The following SLC5A11 variants were observed in gnomAD, a reference collection of about 807,000 sequenced individuals.
The protein encoded by SLC5A11 is sodium/myo-inositol cotransporter 2.
A neutral mutation model predicts 69.8 loss-of-function variants in SLC5A11; 48 were observed. That is an observed-to-expected ratio of 0.69 (90% CI 0.55 to 0.87). SLC5A11 has a LOEUF of 0.87. SLC5A11 is among the 40% of genes least tolerant of loss of function. SLC5A11 has a pLI of 0.00. For synonymous variants in SLC5A11, 319 were observed against 342.4 expected (o/e 0.93, Z 0.75); for missense variants, 784 against 866.1 (o/e 0.91, Z 1.19).
chr16:24,862,453 C>G (rs762205940), intron 2 of SLC5A11, 148 bp from the exon 4 acceptor site: 27 of 544,640 alleles, frequency 5.0e-5, no homozygotes, highest in Non-Finnish European at 8.2e-5. Flanking sequence ...AAATTTTATC[C>G]AAAACTCTGG....
At chr16:24,911,337 C>A (rs2050510744) in exon 16 of SLC5A11, 4 of 1,613,934 alleles carry the variant, frequency 2.5e-6, no homozygotes, top group Non-Finnish European at 3.4e-6. Context: ...GGTGACATGA[C>A]CCCAAAGCAG....
At chr16:24,900,918 TAAAAAAAA>T (rs57145899) in intron 10 of SLC5A11, among the ~76,000 whole-genome samples, 1 of 116,660 alleles carries the variant, frequency 8.6e-6, no homozygotes, top group Admixed American at 9.2e-5. Context: ...ACCCTATCTC[TAAAAAAAA>T]AAAAAAAAAA....
intron 10 of SLC5A11, among the ~76,000 whole-genome samples, chr16:24,905,585 G>A (rs899155735): frequency 1.3e-5 from 2 of 151,720 alleles, no homozygotes; most frequent in African/African-American, 4.8e-5. Flanking sequence ...TGGCACCACT[G>A]AACTCCAGCC....
chr16:24,902,336 A>G (rs1597274865), intron 10 of SLC5A11, among the ~76,000 whole-genome samples: 3 of 152,250 alleles, frequency 2.0e-5, no homozygotes, highest in Admixed American at 2.0e-4. Context: ...GGGGAAAAAA[A>G]AAAGGAATCC....
At chr16:24,857,761 C>T (rs181453030) in intron 1 of SLC5A11, among the ~76,000 whole-genome samples, 18 of 152,302 alleles carry the variant, frequency 1.2e-4, no homozygotes, top group African/African-American at 1.4e-4. Context: ...AGGCATCTCC[C>T]AATTTTAAGT....
At chr16:24,866,339 C>T (rs1039288011) in intron 3 of SLC5A11, among the ~76,000 whole-genome samples, 3 of 151,556 alleles carry the variant, frequency 2.0e-5, no homozygotes, top group African/African-American at 7.3e-5. Context: ...TGACTCAAAC[C>T]TGTAATCCCA....
chr16:24,905,766 A>G (rs928251142), intron 10 of SLC5A11, among the ~76,000 whole-genome samples: 5 of 152,142 alleles, frequency 3.3e-5, no homozygotes, highest in Non-Finnish European at 7.3e-5. Context: ...TCCTGGCCAT[A>G]ATACTTACTA....
At position 24,902,957 on chromosome 16, in the gene SLC5A11, T is replaced by G. The variant is rs548731746; in HGVS notation, c.1007-3700T>G. Among the ~76,000 whole-genome samples the G allele has an allele frequency of 3.9e-5, 6 of 152,306 alleles. No individual in the cohort carries two copies. In the South Asian group the frequency reaches 8.3e-4, roughly 21 times the overall value. On this transcript the variant is annotated intron_variant, in intron 10 of 15. Transcript: ENST00000347898. ...ATAAACTATATATTGAAATACTCTA[T>G]CATATGATACAAGCAAGAGGTGCAA...
chr16:24,893,701 G>T (rs547498280), intron 9 of SLC5A11, among the ~76,000 whole-genome samples: 1 of 152,188 alleles, frequency 6.6e-6, no homozygotes, highest in African/African-American at 2.4e-5. Context: ...CTCCTGAGTA[G>T]CTGGGACTAT....
intron 8 of SLC5A11, among the ~76,000 whole-genome samples, chr16:24,885,911 A>C (rs1051481643): frequency 6.6e-6 from 1 of 152,124 alleles, no homozygotes. Context: ...AGATTACAGA[A>C]GATTACAATA....
intron 3 of SLC5A11, among the ~76,000 whole-genome samples, chr16:24,865,480 C>T (rs944695415): frequency 1.3e-5 from 2 of 152,248 alleles, no homozygotes; most frequent in East Asian, 1.9e-4. Context: ...TTGCTTGAAC[C>T]TGGGAGGCGG....
intron 10 of SLC5A11, among the ~76,000 whole-genome samples, chr16:24,901,952 A>G (rs1036166300): frequency 5.2e-5 from 7 of 133,584 alleles, no homozygotes; most frequent in African/African-American, 2.3e-4. Flanking sequence ...ACACACACAC[A>G]CACACGCACA....
At chr16:24,895,512 A>T (rs2049095342) in intron 9 of SLC5A11, among the ~76,000 whole-genome samples, 1 of 150,982 alleles carries the variant, frequency 6.6e-6, no homozygotes, top group Non-Finnish European at 1.5e-5. Flanking sequence ...AAAGAAAAGA[A>T]AAAAAAGTAG....
chr16:24,908,788 C>A, intron 13 of SLC5A11, 93 bp from the exon 15 acceptor site: 1 of 1,233,246 alleles, frequency 8.1e-7, no homozygotes, highest in South Asian at 1.4e-5. Flanking sequence ...CAGTGACCAC[C>A]ACAAGAAAGA....
chr16:24,906,916 C>T (rs2050109012), intron 11 of SLC5A11, 109 bp from the exon 13 acceptor site: 1 of 1,481,238 alleles, frequency 6.8e-7, no homozygotes, highest in Non-Finnish European at 9.2e-7. Context: ...CTGCAGGAAG[C>T]TCTGCCCCGC....
rs918545801 is a variant in SLC5A11 at position 24,869,793 on chromosome 16, T to A, written c.208-108T>A. ...CAGATAGGCTAGGGGTGGCCCTGCC[T>A]TCCTCTACTTCTCTTCTCTGTCCCT... On this transcript the variant is annotated intron_variant, in intron 3 of 15. Coordinates refer to ENST00000347898, the Ensembl canonical transcript of SLC5A11. The A allele has an allele frequency of 2.9e-5, 22 of 746,536 alleles. No homozygotes were observed. In the East Asian group the frequency reaches 5.0e-4, roughly 17 times the overall value. The allele number at this position is 746,536 out of a possible 1,614,324, so 46.2% of individuals were successfully genotyped here.
intron 9 of SLC5A11, among the ~76,000 whole-genome samples, chr16:24,895,133 A>G (rs1421016209): frequency 6.6e-6 from 1 of 151,252 alleles, no homozygotes; most frequent in African/African-American, 2.4e-5. Context: ...TCAGAAAAAA[A>G]GAAAGAAAGA....
chr16:24,884,357 A>G (rs11863550), intron 8 of SLC5A11, among the ~76,000 whole-genome samples: 19,448 of 152,058 alleles, frequency 0.13, 3,825 homozygotes, highest in African/African-American at 0.42. Flanking sequence ...CTGAGGCAGG[A>G]TCTTGCTCTG....
chr16:24,880,117 T>C (rs13333794), intron 7 of SLC5A11, among the ~76,000 whole-genome samples: 27,695 of 151,984 alleles, frequency 0.18, 3,255 homozygotes, highest in African/African-American at 0.33. Context: ...CACTCTGTAT[T>C]AGTCCATTCT....
Sources: allele counts gnomAD v4.1 joint callset (sites outside exome capture counted in the v4.1 genomes callset), GRCh38; gene constraint gnomAD v4.1.1; transcripts MANE v1.5; gene names NCBI Gene and HGNC (gene_info 2026-07-23, HGNC 2026-07-21).